Variants in MYO5A observed in about 807,000 individuals in gnomAD.
The protein encoded by MYO5A is unconventional myosin-Va.
Under a neutral mutation model 249.7 loss-of-function variants are expected in MYO5A, and 98 were observed. The observed-to-expected ratio is 0.39, with a 90% CI of 0.33 to 0.46. The LOEUF (loss-of-function observed/expected upper bound fraction) is 0.46. MYO5A is among the 20% of genes least tolerant of loss of function. The pLI, the probability that MYO5A is intolerant of heterozygous loss-of-function variation, is 0.98. For synonymous variants in MYO5A, 778 were observed against 810.6 expected (o/e 0.96, Z 0.68); for missense variants, 1,696 against 2,308.8 (o/e 0.73, Z 5.44).
chr15:52,335,441 G>A (rs548288341), intron 34 of MYO5A, among the ~76,000 whole-genome samples: 50 of 149,412 alleles, frequency 3.3e-4, no homozygotes, highest in South Asian at 6.4e-4. Flanking sequence ...GCTTGAACCC[G>A]GGAAGCAGAG....
chr15:52,367,007 G>A (rs773280979), intron 23 of MYO5A, 24 bp downstream of exon 23: 13 of 1,584,708 alleles, frequency 8.2e-6, no homozygotes, highest in Admixed American at 1.7e-5. Context: ...GTTGGTTGGC[G>A]TGTAGTACGC....
chr15:52,435,402 G>A (rs1032899632), intron 1 of MYO5A, among the ~76,000 whole-genome samples: 3 of 149,958 alleles, frequency 2.0e-5, no homozygotes, highest in Non-Finnish European at 4.4e-5. Context: ...TCGGCCTCCC[G>A]AGCAGCTGGG....
intron 1 of MYO5A, among the ~76,000 whole-genome samples, chr15:52,492,495 T>C (rs1595785089): frequency 6.6e-6 from 1 of 152,180 alleles, no homozygotes; most frequent in East Asian, 1.9e-4. Flanking sequence ...GTATAGCACT[T>C]ACTAAGATTC....
At chr15:52,444,015 C>G (rs917249662) in intron 1 of MYO5A, among the ~76,000 whole-genome samples, 1 of 152,034 alleles carries the variant, frequency 6.6e-6, no homozygotes, top group Non-Finnish European at 1.5e-5. Context: ...TTCAAGTCAG[C>G]TCCCTCCAGA....
intron 36 of MYO5A, 127 bp downstream of exon 36, chr15:52,327,725 G>A: frequency 9.9e-7 from 1 of 1,005,890 alleles, no homozygotes; most frequent in South Asian, 1.3e-5. Flanking sequence ...AGATAGGTAA[G>A]TAAATAAAAA....
intron 29 of MYO5A, 89 bp from the exon 30 acceptor site, chr15:52,346,550 G>A (rs2039639397): frequency 2.5e-6 from 2 of 806,846 alleles, no homozygotes; most frequent in East Asian, 2.7e-5. Context: ...CTGGGGGGCA[G>A]TGGTTATGTG....
intron 28 of MYO5A, among the ~76,000 whole-genome samples, chr15:52,350,327 A>C (rs905658996): frequency 4.6e-5 from 7 of 152,232 alleles, no homozygotes; most frequent in Non-Finnish European, 8.8e-5. Flanking sequence ...TCTTGTTTTT[A>C]GAATTTGATA....
chr15:52,384,036 T>C, intron 15 of MYO5A, 125 bp downstream of exon 15: 3 of 1,148,378 alleles, frequency 2.6e-6, no homozygotes, highest in Non-Finnish European at 3.8e-6. Flanking sequence ...TCGTATGATC[T>C]CACAGTGAAA....
intron 1 of MYO5A, among the ~76,000 whole-genome samples, chr15:52,495,150 A>C (rs1320428145): frequency 6.6e-6 from 1 of 152,216 alleles, no homozygotes; most frequent in African/African-American, 2.4e-5. Flanking sequence ...AGCAAACCTA[A>C]GTGTCCAGTA....
intron 34 of MYO5A, among the ~76,000 whole-genome samples, chr15:52,331,191 A>AT (rs1307080141): frequency 1.3e-5 from 2 of 152,174 alleles, no homozygotes; most frequent in East Asian, 3.9e-4. Context: ...AAATGTTATT[A>AT]TTTTTTATTT....
chr15:52,386,792 C>T lies in MYO5A; in HGVS notation c.1752+1037G>A, dbSNP rs565674336. Among the ~76,000 whole-genome samples, 20 of 152,286 alleles carry T rather than the reference C, an allele frequency of 1.3e-4. No individual in the cohort carries two copies. In the East Asian group the frequency reaches 3.9e-3, roughly 29 times the overall value. ...TAAACTCCTGGGCTCAAGCAGTCTG[C>T]CTGCCTCGGCCTCCCAAAGTGCTGG... On this transcript the variant is annotated intron_variant, in intron 14 of 41. Coordinates refer to ENST00000399233, the MANE Select transcript of MYO5A (RefSeq NM_001382347.1).
intron 1 of MYO5A, among the ~76,000 whole-genome samples, chr15:52,502,475 G>A (rs2077180019): frequency 6.6e-6 from 1 of 152,170 alleles, no homozygotes; most frequent in South Asian, 2.1e-4. Flanking sequence ...TAATAGTGCT[G>A]TAATTGCAGA....
At chr15:52,472,625 G>A (rs561228196) in intron 1 of MYO5A, among the ~76,000 whole-genome samples, 1 of 152,174 alleles carries the variant, frequency 6.6e-6, no homozygotes, top group South Asian at 2.1e-4. Context: ...TCCCACCTAT[G>A]AGTGAGAACA....
At chr15:52,338,261 A>C (rs1013539181) in intron 32 of MYO5A, among the ~76,000 whole-genome samples, 1 of 148,166 alleles carries the variant, frequency 6.7e-6, no homozygotes, top group African/African-American at 2.5e-5. Context: ...CAGCAGTGGC[A>C]AGAATAGGGG....
At chr15:52,405,684 C>T (rs763975966) in intron 8 of MYO5A, among the ~76,000 whole-genome samples, 1 of 152,146 alleles carries the variant, frequency 6.6e-6, no homozygotes, top group Admixed American at 6.6e-5. Flanking sequence ...TCTATGCTTC[C>T]ATTTTCTCAT....
chr15:52,346,493 G>T, intron 29 of MYO5A, 32 bp from the exon 30 acceptor site: 1 of 1,347,906 alleles, frequency 7.4e-7, no homozygotes, highest in Non-Finnish European at 1.1e-6. Flanking sequence ...TACGCATTAA[G>T]ATTCAACTCA....
chr15:52,495,654 ATACAG>A (rs2077023095), intron 1 of MYO5A, among the ~76,000 whole-genome samples: 2 of 152,340 alleles, frequency 1.3e-5, no homozygotes, highest in South Asian at 4.1e-4. Context: ...CCACAAATAT[ATACAG>A]TATTTACTTG....
At chr15:52,367,358 A>G (rs551559720) in intron 22 of MYO5A, among the ~76,000 whole-genome samples, 2 of 152,346 alleles carry the variant, frequency 1.3e-5, no homozygotes, top group East Asian at 3.9e-4. Context: ...AAGACCCTGT[A>G]TATGCTCTTT....
At chr15:52,508,605 G>T (rs1203971319) in intron 1 of MYO5A, among the ~76,000 whole-genome samples, 10 of 152,134 alleles carry the variant, frequency 6.6e-5, no homozygotes, top group Middle Eastern at 3.4e-3. Context: ...GAATTATTGG[G>T]CTATTATTCC....
Sources: allele counts gnomAD v4.1 joint callset (sites outside exome capture counted in the v4.1 genomes callset), GRCh38; gene constraint gnomAD v4.1.1; transcripts MANE v1.5; gene names NCBI Gene and HGNC (gene_info 2026-07-23, HGNC 2026-07-21).